SLC60A1: variants seen among roughly 807,000 people sequenced by gnomAD.
SLC60A1 encodes major facilitator superfamily domain containing 4.
At chr1:205,593,930 C>A in the SLC60A1 span, among the ~76,000 whole-genome samples, 3 of 152,192 alleles carry the variant, frequency 2.0e-5, no homozygotes, top group Non-Finnish European at 4.4e-5. Flanking sequence ...TGGCTTCTGG[C>A]TCCTCTGAGT....
At chr1:205,583,815 A>ATGGCTCAGCTTT in the SLC60A1 span, 6 of 1,154,956 alleles carry the variant, frequency 5.2e-6, no homozygotes, top group Non-Finnish European at 5.9e-6. Flanking sequence ...TTAGGTTGGG[A>ATGGCTCAGCTTT]TGGCTCAGCT....
At chr1:205,580,781 C>T in the SLC60A1 span, 3 of 1,614,224 alleles carry the variant, frequency 1.9e-6, no homozygotes, top group African/African-American at 2.7e-5. This position sits in a 1 kb window ranked among gnomAD's most constrained non-coding sequence, Gnocchi z 5.0. Flanking sequence ...CCGAGGCCAC[C>T]TGTTCCATGT....
chr1:205,577,487 C>G, the SLC60A1 span, among the ~76,000 whole-genome samples: 2 of 152,132 alleles, frequency 1.3e-5, no homozygotes, highest in Admixed American at 1.3e-4. This position sits in a 1 kb window ranked among gnomAD's most constrained non-coding sequence, Gnocchi z 5.2. Flanking sequence ...GTGATGCTCG[C>G]GAGCATGTGG....
the SLC60A1 span, chr1:205,584,208 A>G: frequency 2.3e-3 from 2,718 of 1,160,144 alleles, 44 homozygotes; most frequent in African/African-American, 0.036. Context: ...GTGAACCTAG[A>G]TCACAGGTGA....
At chr1:205,586,024 C>T in the SLC60A1 span, 1 of 1,577,050 alleles carries the variant, frequency 6.3e-7, no homozygotes, top group Non-Finnish European at 8.6e-7. Flanking sequence ...AGCGCCCGGT[C>T]TCTCCACAGG....
chr1:205,581,118 T>C, the SLC60A1 span, among the ~76,000 whole-genome samples: 1 of 152,194 alleles, frequency 6.6e-6, no homozygotes, highest in Non-Finnish European at 1.5e-5. The surrounding 1 kb of genome is among the most constrained non-coding windows in gnomAD (Gnocchi z 4.2). Context: ...CAGCGACCTG[T>C]GATTGCAGTT....
chr1:205,584,818 T>C, the SLC60A1 span: 2 of 1,509,414 alleles, frequency 1.3e-6, no homozygotes, highest in East Asian at 2.3e-5. Flanking sequence ...CCCTGGGACA[T>C]GCAGAGGGAG....
the SLC60A1 span, chr1:205,580,969 C>T: frequency 6.3e-7 from 1 of 1,589,266 alleles, no homozygotes; most frequent in Non-Finnish European, 8.5e-7. The surrounding 1 kb of genome is among the most constrained non-coding windows in gnomAD (Gnocchi z 5.0). Flanking sequence ...GGACAGTCCA[C>T]ACATCCCAGT....
chr1:205,592,067 A>C, the SLC60A1 span: 1 of 1,578,440 alleles, frequency 6.3e-7, no homozygotes, highest in East Asian at 2.3e-5. Flanking sequence ...GGAGACGCCG[A>C]CTCCTGGCGG....
At chr1:205,596,139 T>TA in the SLC60A1 span, among the ~76,000 whole-genome samples, 145 of 151,252 alleles carry the variant, frequency 9.6e-4, no homozygotes, top group African/African-American at 2.8e-3. Flanking sequence ...ACCATTTTAT[T>TA]AAAAAAAAAT....
the SLC60A1 span, among the ~76,000 whole-genome samples, chr1:205,595,416 G>A: frequency 1.3e-5 from 2 of 152,156 alleles, no homozygotes; most frequent in Non-Finnish European, 2.9e-5. Flanking sequence ...TCTCCAGGAA[G>A]CTCCTCTGAT....
chr1:205,592,366 CTCTT>C, the SLC60A1 span: 8,030 of 824,152 alleles, frequency 9.7e-3, 91 homozygotes, highest in East Asian at 0.024. Context: ...TCTCTCTGTG[CTCTT>C]TTTTTTTTTT....
At chr1:205,581,593 T>C in the SLC60A1 span, among the ~76,000 whole-genome samples, 1 of 151,762 alleles carries the variant, frequency 6.6e-6, no homozygotes, top group Non-Finnish European at 1.5e-5. The surrounding 1 kb of genome is among the most constrained non-coding windows in gnomAD (Gnocchi z 4.2). Context: ...CCTACCCCCA[T>C]CCACCTGGGT....
At chr1:205,591,622 G>A in the SLC60A1 span, among the ~76,000 whole-genome samples, 1 of 152,224 alleles carries the variant, frequency 6.6e-6, no homozygotes, top group East Asian at 1.9e-4. Flanking sequence ...TCCCTGGGTG[G>A]CTGGCTAGGA....
chr1:205,579,678 C>T, the SLC60A1 span: 2 of 1,550,180 alleles, frequency 1.3e-6, no homozygotes, highest in South Asian at 1.1e-5. Flanking sequence ...GCCCAGACCA[C>T]CCAGTGAATG....
At chr1:205,581,510 G>A in the SLC60A1 span, among the ~76,000 whole-genome samples, 3 of 152,234 alleles carry the variant, frequency 2.0e-5, no homozygotes, top group African/African-American at 7.2e-5. The surrounding 1 kb of genome is among the most constrained non-coding windows in gnomAD (Gnocchi z 4.2). Flanking sequence ...ACCTCCTCTG[G>A]TGCTCTGCAA....
the SLC60A1 span, among the ~76,000 whole-genome samples, chr1:205,581,487 C>T: frequency 1.3e-5 from 2 of 152,368 alleles, no homozygotes; most frequent in African/African-American, 4.8e-5. This position sits in a 1 kb window ranked among gnomAD's most constrained non-coding sequence, Gnocchi z 4.2. Context: ...CTGACTCTGG[C>T]CTCCAGCTGG....
the SLC60A1 span, among the ~76,000 whole-genome samples, chr1:205,591,329 G>A: frequency 1.3e-5 from 2 of 151,626 alleles, no homozygotes; most frequent in Middle Eastern, 3.2e-3. Context: ...TAAAAATACA[G>A]AAAATTAGCA....
chr1:205,579,180 C>T, the SLC60A1 span, among the ~76,000 whole-genome samples: 2 of 152,242 alleles, frequency 1.3e-5, no homozygotes, highest in East Asian at 3.8e-4. Context: ...CAGGGGTCAT[C>T]AAATCACCTG....
Sources: allele counts gnomAD v4.1 joint callset (sites outside exome capture counted in the v4.1 genomes callset), GRCh38; gene constraint gnomAD v4.1.1; non-coding constraint Gnocchi (gnomAD v3.1); transcripts MANE v1.5; gene names NCBI Gene and HGNC (gene_info 2026-07-23, HGNC 2026-07-21).